Variants in ACIN1 observed in about 807,000 individuals in gnomAD.
ACIN1 encodes the protein apoptotic chromatin condensation inducer in the nucleus.
ACIN1 carries 16 observed loss-of-function variants against 146.6 expected under a neutral mutation model. That is an observed-to-expected ratio of 0.11 (90% CI 0.07 to 0.17). The LOEUF (loss-of-function observed/expected upper bound fraction) is 0.17. Among genes scored for constraint, ACIN1 ranks in the 10% least tolerant of loss-of-function variants. The pLI is 1.00. For synonymous variants in ACIN1, 569 were observed against 582.7 expected, an observed-to-expected ratio of 0.98 and a Z score of 0.34; for missense variants, 1,357 against 1,609.3, an observed-to-expected ratio of 0.84 and a Z score of 2.68.
intron 8 of ACIN1, among the ~76,000 whole-genome samples, chr14:23,075,323 CTTTTTT>C (rs11423392): frequency 1.0e-3 from 138 of 133,346 alleles, no homozygotes; most frequent in African/African-American, 3.5e-3. Context: ...CTTTCTTCCC[CTTTTTT>C]TTTTTTTTTT....
chr14:23,093,652 A>T (rs1488921727), intron 1 of ACIN1, 108 bp from the exon 2 acceptor site: 4 of 880,122 alleles, frequency 4.5e-6, no homozygotes, highest in Non-Finnish European at 5.4e-6. Context: ...AAATACACAC[A>T]ATTAAACTGT....
chr14:23,060,576 G>A (rs1015919072), intron 18 of ACIN1, among the ~76,000 whole-genome samples: 2 of 151,680 alleles, frequency 1.3e-5, no homozygotes, highest in Admixed American at 6.6e-5. Flanking sequence ...GCAATGGCAC[G>A]GTCTCTGCTC....
At position 23,067,830 on chromosome 14, in the gene ACIN1, C is replaced by T. The variant is rs139982298; in HGVS notation, c.2265+1646G>A. The stretch of plus-strand genomic sequence containing the variant: ...GTAACTGGGGAGGGGGTCCTCTCAC[C>T]GAGTGGGATCATGGAGCCTCTGATG... On this transcript the variant is annotated intron_variant, in intron 9 of 18. Transcript: ENST00000605057. The surrounding 1 kb of genome is among the most constrained non-coding windows in gnomAD (Gnocchi z 4.6). 19 of 985,864 alleles carry T rather than the reference C, an allele frequency of 1.9e-5. No homozygotes were observed. Among genetic ancestry groups the T allele is most frequent in the African/African-American group, 1.7e-4 (10 of 57,320 alleles). The allele number at this position is 985,864 out of a possible 1,614,324, so 61.1% of individuals were successfully genotyped here.
At position 23,059,015 on chromosome 14, in the gene ACIN1, T is replaced by C; in HGVS notation, c.*133A>G. On this transcript the variant is annotated 3_prime_UTR_variant, in exon 19 of 19. Coordinates refer to ENST00000605057, the MANE Select transcript of ACIN1 (RefSeq NM_001386863.1). ...GGGGAAAAGGATGGCCACTTTTCCA[T>C]TTGGTATGTATGTAGGGATAGGTGA... The C allele has an allele frequency of 1.2e-6, 1 of 817,514 alleles. No homozygotes were observed. Among genetic ancestry groups the C allele is most frequent in the Non-Finnish European group, 1.9e-6 (1 of 516,590 alleles). 50.6% of individuals were successfully genotyped at this position (817,514 alleles called of 1,614,324 possible).
intron 2 of ACIN1, among the ~76,000 whole-genome samples, chr14:23,092,249 C>G (rs1725787985): frequency 6.6e-6 from 1 of 152,134 alleles, no homozygotes; most frequent in Non-Finnish European, 1.5e-5. Context: ...TGTTATTAGT[C>G]ATGTTTCCTA....
At chr14:23,071,372 G>A in intron 8 of ACIN1, 13 of 1,539,968 alleles carry the variant, frequency 8.4e-6, no homozygotes, top group Non-Finnish European at 1.1e-5. Context: ...GGTGGTGGTG[G>A]TGCGGGGAGG....
chr14:23,078,366 C>T, intron 7 of ACIN1, 100 bp from the exon 8 acceptor site: 2 of 907,322 alleles, frequency 2.2e-6, no homozygotes. Context: ...AGGACATACA[C>T]AGTACCAGCT....
rs1397410794 is a variant in ACIN1, at chr14:23,067,286, G to A, written c.2266-1278C>T. ...AAAGAAGAAAATAAACTAGGAATAT[G>A]ACAAATGTTCCAGGTACCATCTCAC... On this transcript the variant is annotated intron_variant, in intron 9 of 18. Coordinates refer to ENST00000605057, the MANE Select transcript of ACIN1 (RefSeq NM_001386863.1). The surrounding 1 kb of genome is among the most constrained non-coding windows in gnomAD (Gnocchi z 4.6). 1.0e-6 allele frequency: 1 copy of A among 984,482 alleles called. No individual in the cohort carries two copies. Among genetic ancestry groups the A allele is most frequent in the Admixed American group, 6.2e-5 (1 of 16,246 alleles). The allele number at this position is 984,482 out of a possible 1,614,324, so 61.0% of individuals were successfully genotyped here. A position where few individuals can be genotyped will look rare whatever the true frequency, so the allele number is the denominator to read the frequency against.
rs781205979 is a variant in ACIN1 at position 23,080,416 on chromosome 14, A to T, written c.919T>A (p.Ser307Thr). 6.2e-7 allele frequency: 1 copy of T among 1,613,580 alleles called. No individual in the cohort carries two copies. Among genetic ancestry groups the T allele is most frequent in the Non-Finnish European group, 8.5e-7 (1 of 1,179,902 alleles). ...QQQEKEMKTT[S>T]PLEEEEREIK... The stretch of plus-strand genomic sequence containing the variant: ...TCTCTTTCTTCCTCCTCAAGGGGAG[A>T]TGTTGTTTTCATTTCCTTCTCCTGC... The change falls in exon 6 of 19, where the codon TCT (serine) becomes ACT (threonine). Residue 307 changes from serine to threonine, a missense_variant. Around this residue, in one of 4 missense-constraint regions of ACIN1, gnomAD observed 771 missense variants for 746.6 expected, o/e 1.03. Transcript: ENST00000605057.
At chr14:23,083,518 G>T (rs1294323969) in intron 4 of ACIN1, among the ~76,000 whole-genome samples, 2 of 152,016 alleles carry the variant, frequency 1.3e-5, no homozygotes, top group Non-Finnish European at 2.9e-5. Flanking sequence ...GGATCACGAC[G>T]TCAGGAGATC....
intron 9 of ACIN1, 147 bp downstream of exon 9, chr14:23,069,329 T>C: frequency 4.4e-6 from 6 of 1,355,356 alleles, no homozygotes; most frequent in Non-Finnish European, 5.7e-6. Context: ...ACCAGCGAAT[T>C]CTCCCTTGGC....
rs114281323 is a variant in ACIN1 at position 23,079,394 on chromosome 14, G to A, written c.1788+153C>T. Among the ~76,000 whole-genome samples the A allele has an allele frequency of 4.7e-3, 719 of 152,284 alleles. 6 individuals carry two copies. Among genetic ancestry groups the A allele is most frequent in the African/African-American group, 0.017 (694 of 41,552 alleles). ...TCGGGAATCAGTTAATTGAAAATACGATTCTGAAATGAGGAGAAAGTAATC... is the reference window on the plus strand; with the variant it reads ...TCGGGAATCAGTTAATTGAAAATACAATTCTGAAATGAGGAGAAAGTAATC... On this transcript the variant is annotated intron_variant, in intron 6 of 18. Transcript: ENST00000605057.
In ACIN1 at chr14:23,069,381, T is replaced by C. The variant is rs534610159; in HGVS notation, c.2265+95A>G. The C allele has an allele frequency of 7.3e-6, 11 of 1,497,910 alleles. No homozygotes were observed. The South Asian group carries it at 1.2e-4, about 17-fold the overall frequency. 92.8% of individuals were successfully genotyped at this position (1,497,910 alleles called of 1,614,324 possible). ...TCCCTGCCTCATCCCTCCTTTAAGT[T>C]AACCCACCGTGTAAGAGGGATCACT... On this transcript the variant is annotated intron_variant, in intron 9 of 18. Coordinates refer to ENST00000605057, the MANE Select transcript of ACIN1 (RefSeq NM_001386863.1).
chr14:23,093,369 A>G, intron 2 of ACIN1, 110 bp downstream of exon 2: 1 of 1,115,094 alleles, frequency 9.0e-7, no homozygotes, highest in South Asian at 1.3e-5. Flanking sequence ...GACTAAGAGA[A>G]CTTAGGAAAA....
At chr14:23,094,700 A>C in intron 1 of ACIN1, 1 of 657,322 alleles carries the variant, frequency 1.5e-6, no homozygotes, top group Non-Finnish European at 2.3e-6. Context: ...ACAAACAAGG[A>C]GGGGGTGGGG....
chr14:23,071,176 T>C, intron 8 of ACIN1: 1 of 1,547,456 alleles, frequency 6.5e-7, no homozygotes, highest in Non-Finnish European at 8.7e-7. Context: ...GGAAGTGCTG[T>C]TTATCCCTTT....
intron 8 of ACIN1, 60 bp from the exon 9 acceptor site, chr14:23,069,677 G>A: frequency 1.3e-6 from 2 of 1,525,246 alleles, no homozygotes; most frequent in South Asian, 1.2e-5. Flanking sequence ...GGGGAAGAGA[G>A]AGCAAGATGT....
chr14:23,079,477 C>G, intron 6 of ACIN1, 70 bp downstream of exon 6: 1 of 1,567,380 alleles, frequency 6.4e-7, no homozygotes, highest in South Asian at 1.2e-5. Context: ...GACAGGCTCT[C>G]CAGGGGCTGA....
chr14:23,062,868 T>A, intron 14 of ACIN1, 61 bp downstream of exon 14: 1 of 1,531,390 alleles, frequency 6.5e-7, no homozygotes, highest in Admixed American at 2.1e-5. Context: ...CTAGGAGGCA[T>A]AAGCCTAAAG....
Sources: allele counts gnomAD v4.1 joint callset (sites outside exome capture counted in the v4.1 genomes callset), GRCh38; gene constraint gnomAD v4.1.1; regional missense constraint gnomAD v4.1.1; non-coding constraint Gnocchi (gnomAD v3.1); transcripts MANE v1.5; gene names NCBI Gene and HGNC (gene_info 2026-07-23, HGNC 2026-07-21).